ZFHX3: variants seen among roughly 807,000 people sequenced by gnomAD.
ZFHX3 encodes the protein zinc finger homeobox protein 3.
ZFHX3 carries 42 observed loss-of-function variants against 279.1 expected under a neutral mutation model. The observed-to-expected ratio is 0.15, with a 90% CI of 0.12 to 0.19. ZFHX3 has a LOEUF of 0.19. ZFHX3 is among the 10% of genes least tolerant of loss of function. The pLI is 1.00. For missense variants in ZFHX3, 4,981 were observed against 4,754.0 expected, an observed-to-expected ratio of 1.05 and a Z score of -1.40; for synonymous variants, 2,293 against 1,957.8, an observed-to-expected ratio of 1.17 and a Z score of -4.52.
chr16:73,219,028 A>G (rs1339298970), intron 5 of ZFHX3, among the ~76,000 whole-genome samples: 3 of 152,224 alleles, frequency 2.0e-5, no homozygotes, highest in Non-Finnish European at 4.4e-5. Flanking sequence ...GATATTTCAC[A>G]TAAATGGAAT....
chr16:73,204,311 A>G (rs1028621496), intron 5 of ZFHX3, among the ~76,000 whole-genome samples: 1 of 151,412 alleles, frequency 6.6e-6, no homozygotes, highest in Admixed American at 6.6e-5. Context: ...TATAATATAT[A>G]ATGAAATAAT....
intron 5 of ZFHX3, chr16:72,829,394 G>GTAGATCTC: frequency 1.1e-5 from 2 of 186,980 alleles, no homozygotes; most frequent in Non-Finnish European, 2.3e-5. Context: ...GGGAGCAGGT[G>GTAGATCTC]GGACCAGCGA....
chr16:73,804,726 T>C (rs1324478797), intron 1 of ZFHX3, among the ~76,000 whole-genome samples: 1 of 152,136 alleles, frequency 6.6e-6, no homozygotes, highest in Non-Finnish European at 1.5e-5. Context: ...CAGCTGCTTC[T>C]ATTTCATTTG....
rs1230606459 is a variant in ZFHX3 at position 73,388,139 on chromosome 16, C to T, written c.-1291+67864G>A. On this transcript the variant is annotated intron_variant, in intron 3 of 17. Coordinates refer to the ZFHX3 transcript ENST00000641206. ...CAATGCGGCAGGCTATTCTTGCCCT[C>T]TCCTTGGATGTGACAAAATGGCCAC... Among the ~76,000 whole-genome samples the T allele has an allele frequency of 2.6e-5, 4 of 152,132 alleles. No homozygotes were observed. In the East Asian group the frequency reaches 7.8e-4, roughly 30 times the overall value.
intron 4 of ZFHX3, among the ~76,000 whole-genome samples, chr16:72,853,546 C>A (rs2037671665): frequency 6.6e-6 from 1 of 152,194 alleles, no homozygotes; most frequent in Non-Finnish European, 1.5e-5. Flanking sequence ...CATTGATTTA[C>A]AATTAGCCTG....
At chr16:73,531,788 T>C (rs948924522) in intron 2 of ZFHX3, among the ~76,000 whole-genome samples, 2 of 150,440 alleles carry the variant, frequency 1.3e-5, no homozygotes, top group South Asian at 2.1e-4. Context: ...GTCCTACTGA[T>C]AGAATATTGT....
At chr16:72,848,469 C>T (rs2037532422) in intron 4 of ZFHX3, among the ~76,000 whole-genome samples, 1 of 152,164 alleles carries the variant, frequency 6.6e-6, no homozygotes, top group Non-Finnish European at 1.5e-5. Flanking sequence ...GCAAAGGAAA[C>T]TCCGCTGTGG....
At chr16:73,105,201 C>T (rs1316180630) in intron 7 of ZFHX3, among the ~76,000 whole-genome samples, 2 of 148,896 alleles carry the variant, frequency 1.3e-5, no homozygotes, top group East Asian at 4.0e-4. Flanking sequence ...AGGCCAAGAG[C>T]TCAAGACCAG....
At chr16:72,883,942 T>G (rs182257397) in intron 4 of ZFHX3, among the ~76,000 whole-genome samples, 1 of 151,988 alleles carries the variant, frequency 6.6e-6, no homozygotes, top group African/African-American at 2.4e-5. Context: ...AAACAATATT[T>G]CAGAAATTCA....
At chr16:73,863,192 C>T (rs546821403) in intron 1 of ZFHX3, among the ~76,000 whole-genome samples, 31 of 152,148 alleles carry the variant, frequency 2.0e-4, no homozygotes, top group East Asian at 1.5e-3. Flanking sequence ...GGCGACAGAG[C>T]GAGACTCCGT....
upstream of ZFHX3, among the ~76,000 whole-genome samples, chr16:73,049,307 A>C (rs944789609): frequency 2.0e-5 from 3 of 152,236 alleles, no homozygotes; most frequent in African/African-American, 4.8e-5. Context: ...CTGGCCTTAC[A>C]GCCTGGAGAG....
chr16:73,707,753 T>TA (rs67816114), intron 1 of ZFHX3, among the ~76,000 whole-genome samples: 111 of 147,972 alleles, frequency 7.5e-4, no homozygotes, highest in African/African-American at 2.2e-3. Context: ...TAATAAAATT[T>TA]AAAAAAAAAA....
chr16:72,929,366 C>CG (rs1959665450), intron 3 of ZFHX3, among the ~76,000 whole-genome samples: 1 of 152,050 alleles, frequency 6.6e-6, no homozygotes, highest in Admixed American at 6.6e-5. Flanking sequence ...GAGGTCCACC[C>CG]GGGGGTGAGG....
rs769181417 is a variant in ZFHX3 at position 72,950,585 on chromosome 16, T to A, written c.3100A>T (p.Ile1034Phe). 8.7e-6 allele frequency: 14 copies of A among 1,614,220 alleles called. No individual in the cohort carries two copies. The highest frequency in any genetic ancestry group is 1.2e-5 in the Non-Finnish European group (14 of 1,180,042). The change falls in exon 3 of 10, where the codon ATC becomes TTC. Residue 1034 changes from isoleucine to phenylalanine, a missense_variant. Ile to Phe is a conservative substitution (Grantham distance 21, BLOSUM62 0). Coordinates refer to ENST00000268489, the MANE Select transcript of ZFHX3 (RefSeq NM_006885.4). ...CACTTGAGGTGCACGGGGTTGCCGA[T>A]GGCCACACACTTGAGCCTCCACTCG... ...ANEWRLKCVA[I>F]GNPVHLKCNA...
intron 5 of ZFHX3, among the ~76,000 whole-genome samples, chr16:73,245,493 T>C (rs1010197064): frequency 2.6e-5 from 4 of 152,126 alleles, no homozygotes; most frequent in African/African-American, 4.8e-5. Context: ...TCCAGGCATG[T>C]TGGATGAATA....
intron 2 of ZFHX3, among the ~76,000 whole-genome samples, chr16:73,663,026 C>A (rs964957818): frequency 6.6e-6 from 1 of 152,082 alleles, no homozygotes; most frequent in Non-Finnish European, 1.5e-5. Flanking sequence ...TATAGGCATA[C>A]TCCAAAACTC....
intron 3 of ZFHX3, among the ~76,000 whole-genome samples, chr16:72,890,392 G>C (rs190363265): frequency 2.3e-4 from 35 of 152,216 alleles, no homozygotes; most frequent in African/African-American, 8.4e-4. Context: ...CTGCAGAACT[G>C]TGAGTCAATT....
intron 5 of ZFHX3, among the ~76,000 whole-genome samples, chr16:73,222,096 T>C (rs549310177): frequency 6.6e-6 from 1 of 152,260 alleles, no homozygotes; most frequent in East Asian, 1.9e-4. Context: ...CTTTTCTTCA[T>C]ACTCCTATAA....
intron 1 of ZFHX3, among the ~76,000 whole-genome samples, chr16:73,855,565 T>G (rs10500575): frequency 3.6e-4 from 55 of 152,152 alleles, no homozygotes; most frequent in Non-Finnish European, 6.6e-4. Context: ...CCAAAACTCT[T>G]CCTAAGAATT....
Sources: gnomAD v4.1 joint callset for allele counts (sites outside exome capture counted in the v4.1 genomes callset) on GRCh38, gnomAD v4.1.1 for gene constraint, MANE v1.5 for transcripts, NCBI Gene and HGNC (gene_info 2026-07-23, HGNC 2026-07-21) for gene names.